ME2: variants seen among roughly 807,000 people sequenced by gnomAD.
ME2 encodes the protein NAD-dependent malic enzyme, mitochondrial.
ME2 carries 60 observed loss-of-function variants against 73.7 expected under a neutral mutation model. The ratio of observed to expected loss-of-function variants is 0.81; its 90% CI spans 0.66 to 1.01. The LOEUF is 1.01. Among genes scored for constraint, ME2 ranks in the 50% least tolerant of loss-of-function variants. The probability of loss-of-function intolerance (pLI) is 0.00; values close to 1 mark genes in which losing one functional copy is unlikely to be tolerated. For missense variants in ME2, 594 were observed against 705.5 expected (o/e 0.84, Z 1.79); for synonymous variants, 199 against 236.9 (o/e 0.84, Z 1.47).
At chr18:50,928,601 G>C (rs1268966241) in intron 12 of ME2, among the ~76,000 whole-genome samples, 1 of 152,124 alleles carries the variant, frequency 6.6e-6, no homozygotes, top group African/African-American at 2.4e-5. Context: ...AATAATTTAA[G>C]GCTGTGGATA....
intron 12 of ME2, among the ~76,000 whole-genome samples, chr18:50,926,391 C>T (rs1023827789): frequency 1.3e-5 from 2 of 152,096 alleles, no homozygotes; most frequent in Non-Finnish European, 2.9e-5. Flanking sequence ...TTGAAGATAT[C>T]ATTTTACTGT....
chr18:50,917,145 A>G, intron 5 of ME2: 1 of 423,498 alleles, frequency 2.4e-6, no homozygotes, highest in Non-Finnish European at 4.3e-6. Flanking sequence ...GGGAAATCAA[A>G]TCTAGTTAAT....
intron 13 of ME2, among the ~76,000 whole-genome samples, chr18:50,938,250 TC>T (rs1290532734): frequency 6.6e-6 from 1 of 152,016 alleles, no homozygotes; most frequent in Non-Finnish European, 1.5e-5. Flanking sequence ...ATCGCTTGAG[TC>T]CAGGGAGGTT....
At chr18:50,946,728 C>CAA (rs1918092592) in intron 15 of ME2, among the ~76,000 whole-genome samples, 1 of 152,160 alleles carries the variant, frequency 6.6e-6, no homozygotes, top group African/African-American at 2.4e-5. Flanking sequence ...CTGTGCCCCT[C>CAA]TAGAAAGGCC....
chr18:50,901,308 A>G (rs1225374716), intron 2 of ME2, among the ~76,000 whole-genome samples: 1 of 152,174 alleles, frequency 6.6e-6, no homozygotes, highest in African/African-American at 2.4e-5. Flanking sequence ...CTCATTACAA[A>G]CGTAAATCAG....
chr18:50,890,632 C>G (rs899702468), intron 1 of ME2, among the ~76,000 whole-genome samples: 1 of 152,098 alleles, frequency 6.6e-6, no homozygotes, highest in Non-Finnish European at 1.5e-5. Flanking sequence ...CTAAACTAGA[C>G]AGAATTCCTT....
intron 12 of ME2, among the ~76,000 whole-genome samples, chr18:50,930,746 A>T (rs1917672158): frequency 6.6e-6 from 1 of 152,344 alleles, no homozygotes; most frequent in Non-Finnish European, 1.5e-5. Context: ...ATTAAAATTA[A>T]TGGTGCCAGA....
rs1917533916 is a variant in ME2, at chr18:50,925,681, T to G, written c.1172-75T>G. On this transcript the variant is annotated intron_variant, in intron 11 of 15. Transcript: ENST00000321341. ...TGTGTTTTTATTATTGTAGGCCTAT[T>G]GTAGAAATGCTATTGATAAGCATTG... The G allele has an allele frequency of 3.2e-6, 4 of 1,245,814 alleles. No individual in the cohort carries two copies. In the South Asian group the frequency reaches 5.1e-5, roughly 16 times the overall value. 77.2% of individuals were successfully genotyped at this position (1,245,814 alleles called of 1,614,324 possible). A position where few individuals can be genotyped will look rare whatever the true frequency, so the allele number is the denominator to read the frequency against.
chr18:50,925,289 G>A lies in ME2; in HGVS notation c.1172-467G>A, dbSNP rs1018560770. 2.0e-5 allele frequency among the ~76,000 whole-genome samples: 3 copies of A among 152,038 alleles called. 1 individual carries two copies. The highest frequency in any genetic ancestry group is 6.5e-5 in the Admixed American group (1 of 15,268). On this transcript the variant is annotated intron_variant, in intron 11 of 15. Coordinates refer to ENST00000321341, the MANE Select transcript of ME2 (RefSeq NM_002396.5). ...AGGTCAGGAGTTTGAGACTAGCCTGGCCAACATGGCAAAACCCCATCTCTA... is the reference window on the plus strand; with the variant it reads ...AGGTCAGGAGTTTGAGACTAGCCTGACCAACATGGCAAAACCCCATCTCTA...
At chr18:50,943,539 G>C (rs1918012213) in intron 15 of ME2, among the ~76,000 whole-genome samples, 1 of 152,088 alleles carries the variant, frequency 6.6e-6, no homozygotes, top group Admixed American at 6.6e-5. Context: ...CCTGAGCTCA[G>C]GAGATCTGCC....
chr18:50,916,412 T>C, intron 5 of ME2, 169 bp downstream of exon 5: 2 of 499,584 alleles, frequency 4.0e-6, no homozygotes, highest in Middle Eastern at 1.0e-3. Flanking sequence ...AGTTATAAAA[T>C]GGGCTACTGG....
At chr18:50,922,274 A>G (rs1375847719) in intron 10 of ME2, among the ~76,000 whole-genome samples, 1 of 152,246 alleles carries the variant, frequency 6.6e-6, no homozygotes, top group African/African-American at 2.4e-5. Context: ...ATCTCCTTTA[A>G]TCATCTCAAA....
chr18:50,879,669 A>G (rs754565301), intron 1 of ME2, among the ~76,000 whole-genome samples: 3 of 152,120 alleles, frequency 2.0e-5, no homozygotes, highest in Non-Finnish European at 2.9e-5. Context: ...GCACCCCTCC[A>G]CAAAAGGACT....
intron 13 of ME2, chr18:50,933,541 C>T (rs1176898518): frequency 1.3e-5 from 2 of 152,114 alleles, no homozygotes; most frequent in African/African-American, 4.8e-5. Flanking sequence ...TCCATAATCT[C>T]TTTCTAGAAC....
intron 4 of ME2, among the ~76,000 whole-genome samples, chr18:50,914,522 A>T (rs1917240222): frequency 1.3e-5 from 2 of 152,142 alleles, no homozygotes; most frequent in African/African-American, 4.8e-5. Flanking sequence ...TATGCAATGC[A>T]TTGTGCTATG....
At chr18:50,890,731 TTATATC>T (rs1222808689) in intron 1 of ME2, among the ~76,000 whole-genome samples, 25 of 152,346 alleles carry the variant, frequency 1.6e-4, no homozygotes, top group African/African-American at 5.8e-4. Flanking sequence ...TTGTTTTTCT[TTATATC>T]TAGTTGTTTT....
chr18:50,901,881 A>C (rs1326778036), intron 2 of ME2, among the ~76,000 whole-genome samples: 1 of 152,154 alleles, frequency 6.6e-6, no homozygotes, highest in African/African-American at 2.4e-5. Context: ...TATTGATATA[A>C]CCTAGTAATT....
intron 11 of ME2, among the ~76,000 whole-genome samples, chr18:50,924,980 AC>A (rs1195197452): frequency 6.7e-6 from 1 of 149,942 alleles, no homozygotes; most frequent in Non-Finnish European, 1.5e-5. Context: ...AAAATAAACA[AC>A]CCCCCATTTT....
intron 15 of ME2, among the ~76,000 whole-genome samples, chr18:50,944,087 G>T (rs889093958): frequency 1.4e-4 from 21 of 152,110 alleles, no homozygotes; most frequent in African/African-American, 5.1e-4. Context: ...AGTGATATGT[G>T]CCTGTAGTCC....
Sources: gnomAD v4.1 joint callset for allele counts (sites outside exome capture counted in the v4.1 genomes callset) on GRCh38, gnomAD v4.1.1 for gene constraint, MANE v1.5 for transcripts, NCBI Gene and HGNC (gene_info 2026-07-23, HGNC 2026-07-21) for gene names.